The following ATP2B2 variants were observed in gnomAD, a reference collection of about 807,000 sequenced individuals.
ATP2B2 encodes the protein plasma membrane calcium-transporting ATPase 2.
ATP2B2 carries 15 observed loss-of-function variants against 120.0 expected under a neutral mutation model. That is an observed-to-expected ratio of 0.12 (90% CI 0.08 to 0.19). The LOEUF is 0.19. Among genes scored for constraint, ATP2B2 ranks in the 10% least tolerant of loss-of-function variants. The pLI, the probability that ATP2B2 is intolerant of heterozygous loss-of-function variation, is 1.00. For synonymous variants in ATP2B2, 694 were observed against 700.3 expected (o/e 0.99, Z 0.14); for missense variants, 1,045 against 1,719.8 (o/e 0.61, Z 6.94).
intron 2 of ATP2B2, among the ~76,000 whole-genome samples, chr3:10,616,487 A>G (rs1038202954): frequency 6.6e-6 from 1 of 152,176 alleles, no homozygotes. Flanking sequence ...GCACTTTGTT[A>G]TGGCAGCCCT....
chr3:10,653,827 G>A (rs1425800121), intron 1 of ATP2B2, among the ~76,000 whole-genome samples: 1 of 152,102 alleles, frequency 6.6e-6, no homozygotes, highest in Non-Finnish European at 1.5e-5. Flanking sequence ...TTGCTGAGCA[G>A]ACCCTACAGC....
intron 2 of ATP2B2, among the ~76,000 whole-genome samples, chr3:10,589,148 T>C (rs1379778803): frequency 6.6e-6 from 1 of 152,148 alleles, no homozygotes; most frequent in Non-Finnish European, 1.5e-5. Context: ...GAGATCTTGC[T>C]GGCAGAGCAA....
rs766257279 is a variant in ATP2B2 at position 10,379,265 on chromosome 3, A to G, written c.1020T>C (p.Asn340=). 5.6e-6 allele frequency: 9 copies of G among 1,614,030 alleles called. No individual in the cohort carries two copies. The highest frequency in any genetic ancestry group is 7.6e-6 in the Non-Finnish European group (9 of 1,179,978). The change falls in exon 9 of 23, where the codon AAT becomes AAC. Residue 340 remains asparagine (N), a synonymous_variant. Coordinates refer to ENST00000360273, the MANE Select transcript of ATP2B2 (RefSeq NM_001001331.4). The part of the protein sequence containing the change: ...SLVNGKMQDG[N]VDASQSKAKQ... ...TACCTTTGCTCTGGCTGGCGTCCAC[A>G]TTGCCATCCTGCATTTTACCTACAC...
At chr3:10,407,110 G>A (rs1232086641) in intron 3 of ATP2B2, among the ~76,000 whole-genome samples, 4 of 152,126 alleles carry the variant, frequency 2.6e-5, no homozygotes, top group African/African-American at 9.7e-5. Context: ...GGCCTGACTT[G>A]GGGTCCTAGG....
chr3:10,647,607 G>A (rs566503966), intron 1 of ATP2B2, among the ~76,000 whole-genome samples: 269 of 152,214 alleles, frequency 1.8e-3, no homozygotes, highest in Non-Finnish European at 2.7e-3. Flanking sequence ...GTAAGGTTTC[G>A]GAGAATGAGG....
intron 2 of ATP2B2, among the ~76,000 whole-genome samples, chr3:10,448,540 C>A (rs1320402256): frequency 1.3e-5 from 2 of 152,190 alleles, no homozygotes; most frequent in Non-Finnish European, 2.9e-5. Flanking sequence ...GAGGACCCAG[C>A]TTTGGTCCCT....
chr3:10,633,148 T>C (rs2069916920), intron 1 of ATP2B2, among the ~76,000 whole-genome samples: 1 of 152,252 alleles, frequency 6.6e-6, no homozygotes, highest in Non-Finnish European at 1.5e-5. Context: ...TGTGTGACCT[T>C]GGATGAGTGA....
At chr3:10,568,739 C>A (rs1295021754) in intron 2 of ATP2B2, among the ~76,000 whole-genome samples, 2 of 152,178 alleles carry the variant, frequency 1.3e-5, no homozygotes, top group Non-Finnish European at 2.9e-5. Context: ...CCAATGTGTT[C>A]CCAGGCTCAG....
intron 5 of ATP2B2, among the ~76,000 whole-genome samples, chr3:10,390,754 C>T (rs939096354): frequency 1.3e-5 from 2 of 152,084 alleles, no homozygotes; most frequent in African/African-American, 2.4e-5. Flanking sequence ...TGCTTTTTTT[C>T]CCCCTTGGCA....
chr3:10,611,953 T>C (rs1162411991), intron 2 of ATP2B2, among the ~76,000 whole-genome samples: 3 of 152,198 alleles, frequency 2.0e-5, no homozygotes, highest in African/African-American at 7.2e-5. Flanking sequence ...ACGCCTATCC[T>C]GATTACCCCA....
At chr3:10,589,538 G>C (rs948797732) in intron 2 of ATP2B2, among the ~76,000 whole-genome samples, 1 of 152,228 alleles carries the variant, frequency 6.6e-6, no homozygotes, top group African/African-American at 2.4e-5. Flanking sequence ...CTGTGGGACA[G>C]GGTCTGCTTT....
chr3:10,526,101 TTG>T (rs1343307574), intron 3 of ATP2B2, among the ~76,000 whole-genome samples: 1 of 152,236 alleles, frequency 6.6e-6, no homozygotes, highest in African/African-American at 2.4e-5. Flanking sequence ...ATGAGGATTA[TTG>T]TGTGTGTAAT....
intron 1 of ATP2B2, among the ~76,000 whole-genome samples, chr3:10,646,809 C>G (rs1040992069): frequency 6.6e-6 from 1 of 152,198 alleles, no homozygotes; most frequent in African/African-American, 2.4e-5. Flanking sequence ...GTTTGAGGCG[C>G]TCCACTAAGA....
intron 2 of ATP2B2, among the ~76,000 whole-genome samples, chr3:10,418,656 G>A (rs369044891): frequency 1.3e-5 from 2 of 152,228 alleles, no homozygotes; most frequent in East Asian, 3.8e-4. Flanking sequence ...CGCCCCTGGT[G>A]AGAGCAGGAA....
chr3:10,385,357 C>T (rs1398281556), intron 7 of ATP2B2, 30 bp from the exon 8 acceptor site: 7 of 1,604,032 alleles, frequency 4.4e-6, no homozygotes, highest in Non-Finnish European at 6.0e-6. Context: ...ATGGAAAATG[C>T]AGTGTCACAA....
At chr3:10,461,821 C>A (rs1435262559) in intron 1 of ATP2B2, among the ~76,000 whole-genome samples, 1 of 152,186 alleles carries the variant, frequency 6.6e-6, no homozygotes, top group African/African-American at 2.4e-5. Flanking sequence ...TAATCTCCAA[C>A]TCCCTGGCCC....
At position 10,402,419 on chromosome 3, in the gene ATP2B2, C is replaced by T. The variant is rs2062253322; in HGVS notation, c.398-71G>A. On this transcript the variant is annotated intron_variant, in intron 3 of 22. Transcript: ENST00000360273. This position sits in a 1 kb window ranked among gnomAD's most constrained non-coding sequence, Gnocchi z 4.9. ...GAGAGGCCTCATGGGCCTGGATTTA[C>T]AGCTCAGCTCTGCAAAGTAACAAGT... The T allele has an allele frequency of 7.5e-6, 12 of 1,589,790 alleles. No homozygotes were observed. The highest frequency in any genetic ancestry group is 2.2e-5 in the East Asian group (1 of 44,820).
intron 1 of ATP2B2, among the ~76,000 whole-genome samples, chr3:10,680,372 C>T (rs1442126550): frequency 6.6e-6 from 1 of 151,972 alleles, no homozygotes; most frequent in African/African-American, 2.4e-5. Context: ...TGTCACAGAC[C>T]AGTGCAGCCA....
At chr3:10,564,337 G>A (rs1322526754) in intron 2 of ATP2B2, among the ~76,000 whole-genome samples, 4 of 152,098 alleles carry the variant, frequency 2.6e-5, no homozygotes, top group Admixed American at 2.0e-4. Flanking sequence ...AATACCTGGA[G>A]TGGATTCTAT....
Sources: allele counts gnomAD v4.1 joint callset (sites outside exome capture counted in the v4.1 genomes callset), GRCh38; gene constraint gnomAD v4.1.1; non-coding constraint Gnocchi (gnomAD v3.1); transcripts MANE v1.5; gene names NCBI Gene and HGNC (gene_info 2026-07-23, HGNC 2026-07-21).